EPHB2: variants seen among roughly 807,000 people sequenced by gnomAD.
EPHB2 encodes the protein ephrin type-B receptor 2.
In EPHB2, 18 loss-of-function variants were observed where a neutral mutation model predicts 96.4. The observed-to-expected ratio is 0.19, with a 90% confidence interval of 0.13 to 0.28. The LOEUF is 0.28. EPHB2 is among the 10% of genes least tolerant of loss of function. The probability of loss-of-function intolerance (pLI) is 1.00; values close to 1 mark genes in which losing one functional copy is unlikely to be tolerated. For missense variants in EPHB2, 989 were observed against 1,355.4 expected (o/e 0.73, Z 4.25); for synonymous variants, 506 against 534.1 (o/e 0.95, Z 0.72).
chr1:22,861,710 C>T (rs555428858), intron 3 of EPHB2, among the ~76,000 whole-genome samples: 1 of 152,000 alleles, frequency 6.6e-6, no homozygotes, highest in East Asian at 1.9e-4. Flanking sequence ...GTCTCTGAGG[C>T]CAGAGCTGGT....
intron 1 of EPHB2, among the ~76,000 whole-genome samples, chr1:22,715,759 C>T (rs1190239620): frequency 1.3e-5 from 2 of 152,182 alleles, no homozygotes; most frequent in South Asian, 2.1e-4. Flanking sequence ...TGGTGGGGAA[C>T]GGGGCCAGCT....
Position 22,780,437 on chromosome 1 carries a change from C to A in EPHB2, c.62-984C>A, listed in dbSNP as rs746558511. 9.9e-5 allele frequency among the ~76,000 whole-genome samples: 15 copies of A among 152,278 alleles called. No individual in the cohort carries two copies. The Middle Eastern group carries it at 0.01, about 104-fold the overall frequency. ...CTCAACACTTCTCCACTCCTGGGACCCTGTCCTGGGGGCAGAGTTGCCTGA... is the reference window on the plus strand; with the variant it reads ...CTCAACACTTCTCCACTCCTGGGACACTGTCCTGGGGGCAGAGTTGCCTGA... On this transcript the variant is annotated intron_variant, in intron 1 of 15. Coordinates refer to ENST00000374630, the MANE Select transcript of EPHB2 (RefSeq NM_017449.5).
intron 1 of EPHB2, 79 bp downstream of exon 1, chr1:22,711,122 T>A (rs1271739635): frequency 6.9e-6 from 1 of 144,358 alleles, no homozygotes; most frequent in Non-Finnish European, 1.5e-5. Context: ...CCACCTCCGC[T>A]CCGCGGCCCG....
chr1:22,814,609 C>A (rs1417862558), intron 3 of EPHB2, among the ~76,000 whole-genome samples: 6 of 152,168 alleles, frequency 3.9e-5, no homozygotes, highest in African/African-American at 1.4e-4. Context: ...ACAGATGAGG[C>A]CACTGAGGCT....
At chr1:22,720,657 C>A (rs560300077) in intron 1 of EPHB2, among the ~76,000 whole-genome samples, 110 of 119,892 alleles carry the variant, frequency 9.2e-4, no homozygotes, top group African/African-American at 3.3e-3. Context: ...CCAGAAATCT[C>A]ATTCCCCCCC....
At chr1:22,871,457 G>A (rs1369181048) in intron 5 of EPHB2, among the ~76,000 whole-genome samples, 1 of 152,296 alleles carries the variant, frequency 6.6e-6, no homozygotes, top group Non-Finnish European at 1.5e-5. Flanking sequence ...CATCCCACAT[G>A]GCCCCTTCCA....
rs1010827737 is a variant in EPHB2, at chr1:22,894,247, G to T, written c.1591+1201G>T. 2.0e-5 allele frequency among the ~76,000 whole-genome samples: 3 copies of T among 152,154 alleles called. No individual in the cohort carries two copies. In the East Asian group the frequency reaches 5.8e-4, roughly 29 times the overall value. On this transcript the variant is annotated intron_variant, in intron 7 of 15. Transcript: ENST00000374630. ...TACCAGGCCAAGTGTGGGCACTAAGGTCCCAGAGCGCGTCCCTGATCTCAG... is the reference window on the plus strand; with the variant it reads ...TACCAGGCCAAGTGTGGGCACTAAGTTCCCAGAGCGCGTCCCTGATCTCAG...
At chr1:22,761,102 G>A (rs1443638726) in intron 1 of EPHB2, among the ~76,000 whole-genome samples, 1 of 152,136 alleles carries the variant, frequency 6.6e-6, no homozygotes, top group African/African-American at 2.4e-5. Context: ...CAGATTCCCA[G>A]CCACCAATTA....
intron 6 of EPHB2, among the ~76,000 whole-genome samples, chr1:22,891,961 ATT>A (rs528214016): frequency 5.3e-4 from 74 of 138,538 alleles, no homozygotes; most frequent in Admixed American, 5.8e-4. Context: ...TGCCCAGCTA[ATT>A]TTTTTTTTTT....
At chr1:22,727,807 A>AC (rs1353074201) in intron 1 of EPHB2, among the ~76,000 whole-genome samples, 5 of 149,970 alleles carry the variant, frequency 3.3e-5, no homozygotes, top group African/African-American at 9.9e-5. Flanking sequence ...AAAAAAAAAA[A>AC]AAACTTTTTT....
intron 1 of EPHB2, among the ~76,000 whole-genome samples, chr1:22,772,483 G>A (rs1644394143): frequency 6.6e-6 from 1 of 152,212 alleles, no homozygotes; most frequent in Admixed American, 6.5e-5. Flanking sequence ...GGCTGAGCAG[G>A]GGGCCGAGGT....
Position 22,906,343 on chromosome 1 carries a change from G to A in EPHB2, c.1888+234G>A, listed in dbSNP as rs1045223859. 1.2e-4 allele frequency among the ~76,000 whole-genome samples: 18 copies of A among 152,194 alleles called. No individual in the cohort carries two copies. Among genetic ancestry groups the A allele is most frequent in the Admixed American group, 5.9e-4 (9 of 15,282 alleles). On this transcript the variant is annotated intron_variant, in intron 10 of 15. Coordinates refer to ENST00000374630, the MANE Select transcript of EPHB2 (RefSeq NM_017449.5). This position sits in a 1 kb window ranked among gnomAD's most constrained non-coding sequence, Gnocchi z 4.8. ...ACAGGGCTGGGAGGGGACATGCACA[G>A]TGAGTCAGAGATTGAGCTGGGTCTG... is the stretch of plus-strand genomic sequence containing the variant.
chr1:22,756,381 G>A (rs1311470629), intron 1 of EPHB2, among the ~76,000 whole-genome samples: 1 of 152,092 alleles, frequency 6.6e-6, no homozygotes, highest in Non-Finnish European at 1.5e-5. Context: ...GAAGCACAAG[G>A]AGCCTTCAGT....
intron 7 of EPHB2, among the ~76,000 whole-genome samples, chr1:22,894,471 C>T (rs895571532): frequency 1.7e-4 from 26 of 152,056 alleles, no homozygotes; most frequent in South Asian, 6.2e-4. Context: ...ATGGCAGGCA[C>T]CTGTAGTCAC....
At chr1:22,883,753 G>A (rs975390367) in intron 6 of EPHB2, among the ~76,000 whole-genome samples, 4 of 152,106 alleles carry the variant, frequency 2.6e-5, no homozygotes, top group African/African-American at 7.2e-5. Context: ...AGCCTTTGCC[G>A]GCCGTCTTAC....
At chr1:22,878,692 T>TA (rs1166089115) in intron 5 of EPHB2, among the ~76,000 whole-genome samples, 2 of 152,172 alleles carry the variant, frequency 1.3e-5, no homozygotes, top group Non-Finnish European at 2.9e-5. Flanking sequence ...AGTACCTGCT[T>TA]AAGGCCACAC....
At chr1:22,730,923 CAG>C (rs926198506) in intron 1 of EPHB2, among the ~76,000 whole-genome samples, 17 of 152,208 alleles carry the variant, frequency 1.1e-4, no homozygotes, top group African/African-American at 3.4e-4. Flanking sequence ...AGAACCATCA[CAG>C]AGTCCAGGCA....
rs113723759 is a variant in EPHB2, at chr1:22,737,046, A to G, written c.61+26003A>G. ...TCGGCGTGACGAGGAATCTTGGGCAAGTCATCCAGTGCTTCCGTTTCTAAT... is the reference window on the plus strand; with the variant it reads ...TCGGCGTGACGAGGAATCTTGGGCAGGTCATCCAGTGCTTCCGTTTCTAAT... On this transcript the variant is annotated intron_variant, in intron 1 of 15. Transcript: ENST00000374630. Among the ~76,000 whole-genome samples the G allele has an allele frequency of 3.2e-3, 483 of 152,298 alleles. 1 individual carries two copies. Among genetic ancestry groups the G allele is most frequent in the African/African-American group, 0.011 (443 of 41,562 alleles).
rs79758806 is a variant in EPHB2, at chr1:22,913,408, C to T, written c.2853-54C>T. 6,755 of 1,599,496 alleles carry T rather than the reference C, an allele frequency of 4.2e-3. 224 individuals carry two copies. The African/African-American group carries it at 0.082, about 19-fold the overall frequency. On this transcript the variant is annotated intron_variant, in intron 15 of 15. Coordinates refer to ENST00000374630, the MANE Select transcript of EPHB2 (RefSeq NM_017449.5). The surrounding 1 kb of genome is among the most constrained non-coding windows in gnomAD (Gnocchi z 4.1). ...GAAGCCCAGGCAGCTCTCTACCAGG[C>T]ACAGGACCCCTTCACCCGCATATTT... is the stretch of plus-strand genomic sequence containing the variant.
Sources: gnomAD v4.1 joint callset for allele counts (sites outside exome capture counted in the v4.1 genomes callset) on GRCh38, gnomAD v4.1.1 for gene constraint, Gnocchi (gnomAD v3.1) non-coding constraint, MANE v1.5 for transcripts, NCBI Gene and HGNC (gene_info 2026-07-23, HGNC 2026-07-21) for gene names.